PLCE1: variants seen among roughly 807,000 people sequenced by gnomAD.
PLCE1 encodes phospholipase C epsilon 1.
In PLCE1, 119 loss-of-function variants were observed where a neutral mutation model predicts 242.8. The observed-to-expected ratio is 0.49, with a 90% CI of 0.42 to 0.57. PLCE1 has a LOEUF of 0.57. Among genes scored for constraint, PLCE1 ranks in the 20% least tolerant of loss-of-function variants. The probability of loss-of-function intolerance (pLI) is 0.00; values close to 1 mark genes in which losing one functional copy is unlikely to be tolerated. For missense variants in PLCE1, 2,441 were observed against 2,788.8 expected (o/e 0.88, Z 2.81); for synonymous variants, 945 against 1,017.4 (o/e 0.93, Z 1.35).
intron 3 of PLCE1, among the ~76,000 whole-genome samples, chr10:94,151,472 T>C (rs2047272729): frequency 2.0e-5 from 3 of 152,212 alleles, no homozygotes; most frequent in Non-Finnish European, 4.4e-5. Flanking sequence ...GGTTGTGCTA[T>C]AAAAAGAACG....
chr10:94,029,467 G>T (rs1564633262), intron 1 of PLCE1, among the ~76,000 whole-genome samples: 1 of 152,130 alleles, frequency 6.6e-6, no homozygotes, highest in East Asian at 1.9e-4. Flanking sequence ...TGATGCATAG[G>T]GAGTGTTCTG....
intron 19 of PLCE1, among the ~76,000 whole-genome samples, chr10:94,278,013 A>T (rs1016430915): frequency 3.3e-5 from 5 of 152,116 alleles, no homozygotes; most frequent in Non-Finnish European, 7.3e-5. Context: ...CATAAAACCC[A>T]CTTTGAGAAA....
At chr10:94,004,364 A>C (rs1281262226) in intron 1 of PLCE1, among the ~76,000 whole-genome samples, 2 of 152,194 alleles carry the variant, frequency 1.3e-5, no homozygotes. Context: ...ATCTAGTAAT[A>C]GTCTAATTCA....
rs1171826088 is a variant in PLCE1 at position 94,330,226 on chromosome 10, C to A, written c.*2283C>A. The A allele has an allele frequency of 6.6e-6, 1 of 152,218 alleles. No individual in the cohort carries two copies. Among genetic ancestry groups the A allele is most frequent in the Non-Finnish European group, 1.5e-5 (1 of 68,046 alleles). The allele number at this position is 152,218 out of a possible 1,614,324, so 9.4% of individuals were successfully genotyped here. ...CAGGTGTATGTTTTACAACATAAAT[C>A]TGAGACTGAAGTTGAGACCAGGTTG... is the stretch of plus-strand genomic sequence containing the variant. On this transcript the variant is annotated 3_prime_UTR_variant, in exon 33 of 33. Coordinates refer to ENST00000371380, the MANE Select transcript of PLCE1 (RefSeq NM_016341.4).
rs2051205002 is a variant in PLCE1 at position 94,259,133 on chromosome 10, A to G, written c.3797A>G (p.Asp1266Gly). 6.2e-7 allele frequency: 1 copy of G among 1,614,100 alleles called. No individual in the cohort carries two copies. The highest frequency in any genetic ancestry group is 8.5e-7 in the Non-Finnish European group (1 of 1,179,986). Residue 1266 changes from aspartate to glycine, a missense_variant, in exon 13 of 33, where the codon GAT becomes GGT. Around this residue, in one of 5 missense-constraint regions of PLCE1, gnomAD observed 1,004 missense variants for 1,322.7 expected, o/e 0.76. Coordinates refer to ENST00000371380, the MANE Select transcript of PLCE1 (RefSeq NM_016341.4). ...CTGACAATTGATGAAAACACCAGCG[A>G]TCTTCAGCCTGACCTAGGTTTGTTG... is the stretch of plus-strand genomic sequence containing the variant. ...TNLTIDENTSDLQPDLDLLTR... is the reference protein window; with the variant it reads ...TNLTIDENTSGLQPDLDLLTR...
intron 23 of PLCE1, among the ~76,000 whole-genome samples, chr10:94,295,484 T>A (rs1420087790): frequency 1.3e-5 from 2 of 152,176 alleles, no homozygotes; most frequent in African/African-American, 4.8e-5. Flanking sequence ...TTCCACCATA[T>A]CTGCAGTTAC....
At position 94,324,908 on chromosome 10, in the gene PLCE1, AAAAG is replaced by A. The variant is rs747833630; in HGVS notation, c.6742_6745del (p.Lys2248AlafsTer28). The A allele has an allele frequency of 5.6e-6, 9 of 1,614,028 alleles. No individual in the cohort carries two copies. The highest frequency in any genetic ancestry group is 1.7e-6 in the Non-Finnish European group (2 of 1,180,024). ...TTCCCACAGGCATCTCGAGAAGATA[AAAAG>A]AAAGGCATTTCTTTCGCAAGTGAAC... On this transcript the variant is annotated frameshift_variant, in exon 32 of 33. Coordinates refer to ENST00000371380, the MANE Select transcript of PLCE1 (RefSeq NM_016341.4). LOFTEE classifies it high-confidence loss of function.
intron 4 of PLCE1, among the ~76,000 whole-genome samples, chr10:94,186,669 G>A (rs180698263): frequency 9.9e-5 from 15 of 152,264 alleles, no homozygotes; most frequent in Admixed American, 9.8e-4. Context: ...TTTTTCAACT[G>A]GATGTGAATC....
At chr10:94,099,573 A>T (rs1267554393) in intron 2 of PLCE1, 1 of 152,128 alleles carries the variant, frequency 6.6e-6, no homozygotes, top group Non-Finnish European at 1.5e-5. Flanking sequence ...GGAGGGAGCT[A>T]TCATATCAAC....
intron 11 of PLCE1, among the ~76,000 whole-genome samples, chr10:94,256,477 A>G (rs1230871126): frequency 6.6e-6 from 1 of 152,230 alleles, no homozygotes; most frequent in Admixed American, 6.5e-5. Context: ...TTCACATTCT[A>G]CAATGGGTGA....
chr10:94,290,103 C>T (rs1451137743), intron 22 of PLCE1, among the ~76,000 whole-genome samples: 4 of 151,912 alleles, frequency 2.6e-5, no homozygotes, highest in African/African-American at 4.8e-5. Flanking sequence ...CATGGCTCAC[C>T]GTAACCTTGA....
chr10:94,256,550 A>T (rs534840954), intron 11 of PLCE1, among the ~76,000 whole-genome samples: 2 of 152,208 alleles, frequency 1.3e-5, no homozygotes, highest in East Asian at 3.9e-4. Flanking sequence ...GTAAATTTAG[A>T]TTCATAACAA....
Position 94,298,615 on chromosome 10 carries a change from C to T in PLCE1, c.5404C>T (p.Leu1802Phe). The change falls in exon 24 of 33, where the codon CTC becomes TTC. Residue 1802 changes from leucine to phenylalanine, a missense_variant. This residue lies in a region of PLCE1 where 1,004 missense variants were observed against 1,322.7 expected (regional missense o/e 0.76). Coordinates refer to ENST00000371380, the MANE Select transcript of PLCE1 (RefSeq NM_016341.4). The surrounding 1 kb of genome is among the most constrained non-coding windows in gnomAD (Gnocchi z 5.2). ...CATCGACTCTTCCAACCCGAACCCC[C>T]TCATGTTCTGGCTCCATGGGATACA... ...TRIDSSNPNP[L>F]MFWLHGIQLV... 6.2e-7 allele frequency: 1 copy of T among 1,614,176 alleles called. No individual in the cohort carries two copies.
chr10:94,227,235 A>G (rs1232743246), intron 4 of PLCE1, 71 bp from the exon 5 acceptor site: 1 of 1,411,568 alleles, frequency 7.1e-7, no homozygotes. Context: ...AAAACAAAGA[A>G]TGCTTTTGGA....
chr10:94,145,339 G>A (rs2047080680), intron 3 of PLCE1, among the ~76,000 whole-genome samples: 1 of 152,164 alleles, frequency 6.6e-6, no homozygotes, highest in Non-Finnish European at 1.5e-5. Flanking sequence ...TTGTGGTGTA[G>A]ACTACAAAGG....
At chr10:94,167,867 A>G (rs557505090) in intron 3 of PLCE1, among the ~76,000 whole-genome samples, 6 of 151,928 alleles carry the variant, frequency 3.9e-5, no homozygotes, top group Admixed American at 3.9e-4. Flanking sequence ...TTGTATTTTT[A>G]GTAGAGACAG....
chr10:94,086,770 T>A (rs571712300), intron 2 of PLCE1, among the ~76,000 whole-genome samples: 3 of 152,330 alleles, frequency 2.0e-5, no homozygotes, highest in Non-Finnish European at 4.4e-5. Context: ...CTCTGGAATC[T>A]CACAGGTCTG....
chr10:94,152,528 C>A (rs1276461732), intron 3 of PLCE1, among the ~76,000 whole-genome samples: 1 of 152,164 alleles, frequency 6.6e-6, no homozygotes, highest in East Asian at 1.9e-4. Context: ...AAAGCCTGGG[C>A]TTTGGAGTCA....
intron 4 of PLCE1, among the ~76,000 whole-genome samples, chr10:94,211,004 C>T (rs1304864005): frequency 6.6e-6 from 1 of 152,240 alleles, no homozygotes; most frequent in African/African-American, 2.4e-5. Context: ...TCAAGGCCAG[C>T]ATATCTGAAA....
Sources: allele counts gnomAD v4.1 joint callset (sites outside exome capture counted in the v4.1 genomes callset), GRCh38; gene constraint gnomAD v4.1.1; regional missense constraint gnomAD v4.1.1; non-coding constraint Gnocchi (gnomAD v3.1); transcripts MANE v1.5; gene names NCBI Gene and HGNC (gene_info 2026-07-23, HGNC 2026-07-21).